The following ABI1 variants were observed in gnomAD, a reference collection of about 807,000 sequenced individuals.
ABI1 encodes the protein Abelson interactor 1.
A neutral mutation model predicts 54.6 loss-of-function variants in ABI1; 14 were observed. The ratio of observed to expected loss-of-function variants is 0.26; its 90% confidence interval spans 0.17 to 0.40. The LOEUF (loss-of-function observed/expected upper bound fraction) is 0.40. Ranked by LOEUF, ABI1 falls within the 10% of genes least tolerant of loss-of-function variation. The pLI is 1.00. For missense variants in ABI1, 443 were observed against 598.3 expected (o/e 0.74, Z 2.71); for synonymous variants, 194 against 209.3 (o/e 0.93, Z 0.63).
At chr10:26,788,089 CG>C (rs1266390815) in intron 2 of ABI1, among the ~76,000 whole-genome samples, 1 of 152,162 alleles carries the variant, frequency 6.6e-6, no homozygotes, top group Non-Finnish European at 1.5e-5. Flanking sequence ...ATTTTAATCA[CG>C]GGGTCGGTTT....
intron 1 of ABI1, among the ~76,000 whole-genome samples, chr10:26,844,683 G>T (rs943187785): frequency 1.3e-5 from 2 of 152,216 alleles, no homozygotes; most frequent in African/African-American, 4.8e-5. Flanking sequence ...AAAAGAGGGG[G>T]TCTATAGATT....
rs1206347556 is a variant in ABI1, at chr10:26,748,000, T to C, written c.*570A>G. ...TTTTTGCTTGTTTCACATGGAGACC[T>C]TGGAGACTCAATTCACGTTAAGACA... On this transcript the variant is annotated 3_prime_UTR_variant, in exon 11 of 11. Transcript: ENST00000376140. 1 of 202,734 alleles carries C rather than the reference T, an allele frequency of 4.9e-6. No individual in the cohort carries two copies. The highest frequency in any genetic ancestry group is 2.3e-5 in the African/African-American group (1 of 43,508). The allele number at this position is 202,734 out of a possible 1,614,324, so 12.6% of individuals were successfully genotyped here.
At chr10:26,858,537 GAA>G (rs60132421) in intron 1 of ABI1, among the ~76,000 whole-genome samples, 8,016 of 94,584 alleles carry the variant, frequency 0.085, 236 homozygotes, top group Middle Eastern at 0.22. Context: ...CACAAAAAAA[GAA>G]AAAAAAAAAA....
At chr10:26,844,225 C>G (rs1345517917) in intron 1 of ABI1, among the ~76,000 whole-genome samples, 2 of 151,984 alleles carry the variant, frequency 1.3e-5, no homozygotes, top group Non-Finnish European at 1.5e-5. Flanking sequence ...CCCAATCCCC[C>G]TTCCCCTCAA....
At chr10:26,840,538 C>T (rs2049420740) in intron 1 of ABI1, among the ~76,000 whole-genome samples, 1 of 152,196 alleles carries the variant, frequency 6.6e-6, no homozygotes, top group African/African-American at 2.4e-5. Flanking sequence ...ATTCATTAAT[C>T]ACATTTTCCA....
chr10:26,799,347 C>T (rs189307888), intron 2 of ABI1, among the ~76,000 whole-genome samples: 116 of 152,152 alleles, frequency 7.6e-4, no homozygotes, highest in Middle Eastern at 6.8e-3. Flanking sequence ...AATTATGCTG[C>T]ATTTTCTCAA....
At chr10:26,765,011 T>C (rs951221174) in intron 7 of ABI1, among the ~76,000 whole-genome samples, 2 of 151,352 alleles carry the variant, frequency 1.3e-5, no homozygotes, top group African/African-American at 2.4e-5. Flanking sequence ...ATATGCAGTA[T>C]ATATAAGGAG....
chr10:26,812,314 C>T (rs1428677147), intron 2 of ABI1, among the ~76,000 whole-genome samples: 3 of 152,082 alleles, frequency 2.0e-5, no homozygotes, highest in South Asian at 2.1e-4. Context: ...GCATACAAAC[C>T]CACCAGAGTA....
In ABI1 at chr10:26,860,917, G is replaced by A. The variant is rs937546461; in HGVS notation, c.-54C>T. On this transcript the variant is annotated 5_prime_UTR_variant, in exon 1 of 11. Coordinates refer to ENST00000376140, the MANE Select transcript of ABI1 (RefSeq NM_001012750.3). The surrounding 1 kb of genome is among the most constrained non-coding windows in gnomAD (Gnocchi z 4.1). ...GCGTTAAAGAGACAGAGGCAGCAAG[G>A]TCCGCCGAGGCTCCGAGCACCTCAC... The A allele has an allele frequency of 1.4e-5, 21 of 1,538,682 alleles. No individual in the cohort carries two copies. The highest frequency in any genetic ancestry group is 1.8e-5 in the Non-Finnish European group (20 of 1,114,092).
intron 2 of ABI1, among the ~76,000 whole-genome samples, chr10:26,804,161 T>C (rs1359962764): frequency 6.6e-6 from 1 of 152,202 alleles, no homozygotes; most frequent in East Asian, 1.9e-4. Context: ...GGCAAGCAGA[T>C]CACCTGGGGT....
chr10:26,814,100 A>C (rs1398825575), intron 2 of ABI1, among the ~76,000 whole-genome samples: 1 of 152,164 alleles, frequency 6.6e-6, no homozygotes, highest in Non-Finnish European at 1.5e-5. Flanking sequence ...TAAAAGATGC[A>C]GTTACTTTGA....
At chr10:26,856,405 C>T (rs982470981) in intron 1 of ABI1, among the ~76,000 whole-genome samples, 2 of 123,466 alleles carry the variant, frequency 1.6e-5, no homozygotes, top group South Asian at 2.6e-4. Context: ...TTTAATACCT[C>T]GGAACCTCTA....
At chr10:26,753,459 G>A (rs749515901) in intron 9 of ABI1, among the ~76,000 whole-genome samples, 1 of 152,100 alleles carries the variant, frequency 6.6e-6, no homozygotes, top group Non-Finnish European at 1.5e-5. Flanking sequence ...ATGTTTTCAC[G>A]AAATTGTCTT....
intron 6 of ABI1, among the ~76,000 whole-genome samples, chr10:26,766,022 G>A (rs1402217868): frequency 6.6e-6 from 1 of 152,152 alleles, no homozygotes; most frequent in Non-Finnish European, 1.5e-5. Context: ...AAAAGGTAAT[G>A]TAATAGATAC....
At chr10:26,840,910 C>A (rs1038098382) in intron 1 of ABI1, among the ~76,000 whole-genome samples, 6 of 152,176 alleles carry the variant, frequency 3.9e-5, no homozygotes, top group African/African-American at 1.4e-4. Context: ...CAGTTTTGGT[C>A]CATCATCAAC....
intron 2 of ABI1, among the ~76,000 whole-genome samples, chr10:26,796,761 T>C (rs1046450811): frequency 6.6e-6 from 1 of 152,178 alleles, no homozygotes; most frequent in Non-Finnish European, 1.5e-5. Context: ...AACACAGCAG[T>C]CCCCTTTTTG....
At chr10:26,782,761 C>T (rs72792196) in intron 2 of ABI1, among the ~76,000 whole-genome samples, 1 of 149,132 alleles carries the variant, frequency 6.7e-6, no homozygotes, top group Non-Finnish European at 1.5e-5. Context: ...CCAATAAGCA[C>T]ATGAAAAGAC....
chr10:26,839,751 G>A, intron 1 of ABI1: 1 of 701,360 alleles, frequency 1.4e-6, no homozygotes, highest in Non-Finnish European at 2.6e-6. Flanking sequence ...AGGAGTTTGA[G>A]AGCAGACACA....
chr10:26,833,634 C>T (rs2048832202), intron 1 of ABI1, among the ~76,000 whole-genome samples: 1 of 152,138 alleles, frequency 6.6e-6, no homozygotes, highest in East Asian at 1.9e-4. Context: ...AACAAGTTAT[C>T]TTCTCATATA....
Sources: allele counts gnomAD v4.1 joint callset (sites outside exome capture counted in the v4.1 genomes callset), GRCh38; gene constraint gnomAD v4.1.1; non-coding constraint Gnocchi (gnomAD v3.1); transcripts MANE v1.5; gene names NCBI Gene and HGNC (gene_info 2026-07-23, HGNC 2026-07-21).